Variants in TPH1 observed in about 807,000 individuals in gnomAD.
TPH1 encodes tryptophan hydroxylase 1.
In TPH1, 37 loss-of-function variants were observed where a neutral mutation model predicts 49.5. The observed-to-expected ratio is 0.75, with a 90% CI of 0.58 to 0.98. TPH1 has a LOEUF of 0.98. Ranked by LOEUF, TPH1 falls within the 50% of genes least tolerant of loss-of-function variation. The probability of loss-of-function intolerance (pLI) is 0.00; values close to 1 mark genes in which losing one functional copy is unlikely to be tolerated. For missense variants in TPH1, 487 were observed against 523.6 expected, an observed-to-expected ratio of 0.93 and a Z score of 0.68; for synonymous variants, 160 against 182.1, an observed-to-expected ratio of 0.88 and a Z score of 0.98.
In TPH1 at chr11:18,029,565, A is replaced by G. The variant is rs749431825; in HGVS notation, c.417T>C (p.Asn139=). 3 of 1,612,946 alleles carry G rather than the reference A, an allele frequency of 1.9e-6. No individual in the cohort carries two copies. Among genetic ancestry groups the G allele is most frequent in the Non-Finnish European group, 2.5e-6 (3 of 1,179,264 alleles). ...LDADHPGFKD[N]VYRKRRKYFA... Reference sequence around the variant, plus strand: ...AATACTTTCGACGTTTACGGTAGACATTGTCTTTGAAGCCCTGATAATTAA... The same window carrying G: ...AATACTTTCGACGTTTACGGTAGACGTTGTCTTTGAAGCCCTGATAATTAA... Residue 139 remains asparagine, a synonymous_variant, in exon 5 of 11, where the codon AAT becomes AAC. Coordinates refer to ENST00000682019, the MANE Select transcript of TPH1 (RefSeq NM_004179.3).
In TPH1 at chr11:18,025,449, C is replaced by T. The variant is rs553098196; in HGVS notation, c.930+126G>A. ...AGGCTGGAGTGCAGTGGCACAATCTCGGCTCACTGCAACCTCCAAGCAAAG... is the reference window on the plus strand; with the variant it reads ...AGGCTGGAGTGCAGTGGCACAATCTTGGCTCACTGCAACCTCCAAGCAAAG... On this transcript the variant is annotated intron_variant, in intron 8 of 10. Transcript: ENST00000682019. The T allele has an allele frequency of 2.6e-4, 337 of 1,271,896 alleles. 3 individuals carry two copies. The highest frequency in any genetic ancestry group is 7.1e-5 in the East Asian group (3 of 42,342). The allele number at this position is 1,271,896 out of a possible 1,614,324, so 78.8% of individuals were successfully genotyped here. A position where few individuals can be genotyped will look rare whatever the true frequency, so the allele number is the denominator to read the frequency against.
At position 18,029,251 on chromosome 11, in the gene TPH1, A is replaced by G; in HGVS notation, c.581T>C (p.Leu194Pro). 1 of 1,614,040 alleles carries G rather than the reference A, an allele frequency of 6.2e-7. No homozygotes were observed. Among genetic ancestry groups the G allele is most frequent in the Non-Finnish European group, 8.5e-7 (1 of 1,179,942 alleles). The change falls in exon 6 of 11, where the codon CTC becomes CCC. Residue 194 changes from leucine (L) to proline (P), a missense_variant. Physicochemically the swap from Leu to Pro is moderately conservative, Grantham distance 98. Transcript: ENST00000682019. Reference sequence around the variant, plus strand: ...TTTAGAAAGCAAAGGTAAGTTTTTGAGATACTCTCTGCAAGCATGGGTTGG... The same window carrying G: ...TTTAGAAAGCAAAGGTAAGTTTTTGGGATACTCTCTGCAAGCATGGGTTGG... ...LYPTHACREY[L>P]KNLPLLSKYC...
At chr11:18,033,760 C>T (rs998975681) in intron 3 of TPH1, among the ~76,000 whole-genome samples, 1 of 152,092 alleles carries the variant, frequency 6.6e-6, no homozygotes, top group Non-Finnish European at 1.5e-5. Flanking sequence ...TTATTTTTGC[C>T]GATGGAAAAG....
At position 18,020,993 on chromosome 11, in the gene TPH1, A is replaced by T. The variant is rs778498226; in HGVS notation, c.1333T>A (p.Ter445LysextTer2). The T allele has an allele frequency of 1.9e-6, 3 of 1,613,924 alleles. No individual in the cohort carries two copies. Among genetic ancestry groups the T allele is most frequent in the Non-Finnish European group, 2.5e-6 (3 of 1,179,892 alleles). Residue 445 changes from the stop codon to lysine, a stop_lost, in exon 11 of 11, where the codon TAA becomes AAA. Coordinates refer to ENST00000682019, the MANE Select transcript of TPH1 (RefSeq NM_004179.3). Reference protein sequence around the residue: ...LAKVSRKPSI* With the variant: ...LAKVSRKPSIK ...TGTTCCTGGATGACTGGCTACTGTT[A>T]GATACTCGGCTTCCTGCTGACCTTA...
intron 10 of TPH1, among the ~76,000 whole-genome samples, chr11:18,022,313 C>T (rs565683199): frequency 6.6e-6 from 1 of 152,334 alleles, no homozygotes; most frequent in South Asian, 2.1e-4. Context: ...CTATATTTCT[C>T]AACATCCTGA....
Position 18,035,999 on chromosome 11 carries a change from G to A in TPH1, c.261C>T (p.Leu87=), listed in dbSNP as rs753686032. ...TAAAATTATCTGGTAGATTCACAGA[G>A]AGAACATTGGTATGAGACTTCAGCA... ...FHLLKSHTNV[L]SVNLPDNFTL... is the part of the protein sequence containing the mutation. Residue 87 remains leucine, a synonymous_variant, in exon 3 of 11, where the codon CTC becomes CTT. Coordinates refer to ENST00000682019, the MANE Select transcript of TPH1 (RefSeq NM_004179.3). 4 of 1,612,434 alleles carry A rather than the reference G, an allele frequency of 2.5e-6. No individual in the cohort carries two copies. The highest frequency in any genetic ancestry group is 3.4e-6 in the Non-Finnish European group (4 of 1,179,886).
Position 18,020,991 on chromosome 11 carries a change from T to G in TPH1, c.1335A>C (p.Ter445TyrextTer2), listed in dbSNP as rs1312679007. 1 of 1,613,808 alleles carries G rather than the reference T, an allele frequency of 6.2e-7. No homozygotes were observed. The highest frequency in any genetic ancestry group is 8.5e-7 in the Non-Finnish European group (1 of 1,179,894). The change falls in exon 11 of 11, where the codon TAA (stop) becomes TAC (tyrosine). Residue 445 changes from the stop codon to tyrosine, a stop_lost. Transcript: ENST00000682019. ...AATGTTCCTGGATGACTGGCTACTG[T>G]TAGATACTCGGCTTCCTGCTGACCT... ...LAKVSRKPSI* is the reference protein window; with the variant it reads ...LAKVSRKPSIY
intron 1 of TPH1, chr11:18,041,073 C>T (rs1451310897): frequency 3.5e-6 from 1 of 283,230 alleles, no homozygotes; most frequent in Non-Finnish European, 6.7e-6. Context: ...TTCTTGCAGT[C>T]TTCCCAACTA....
chr11:18,039,349 A>G (rs1848076999), intron 2 of TPH1, among the ~76,000 whole-genome samples: 1 of 152,146 alleles, frequency 6.6e-6, no homozygotes, highest in Non-Finnish European at 1.5e-5. Context: ...TATGGACATA[A>G]ATCATGAAGT....
Position 18,022,858 on chromosome 11 carries a change from G to A in TPH1, c.1100C>T (p.Thr367Ile), listed in dbSNP as rs1383734453. The part of the protein sequence containing the change: ...KITCKQECLI[T>I]TFQDVYFVSE... ...TACAAAGTAGACATCTTGAAAAGTT[G>A]TGATAAGACATTCCTGTTTGCAGGT... The change falls in exon 10 of 11, where the codon ACA becomes ATA. Residue 367 changes from threonine (T) to isoleucine (I), a missense_variant. Physicochemically the swap from Thr to Ile is moderately conservative, Grantham distance 89. Coordinates refer to ENST00000682019, the MANE Select transcript of TPH1 (RefSeq NM_004179.3). 4 of 1,613,482 alleles carry A rather than the reference G, an allele frequency of 2.5e-6. No homozygotes were observed. Among genetic ancestry groups the A allele is most frequent in the Non-Finnish European group, 3.4e-6 (4 of 1,179,660 alleles).
At chr11:18,028,935 G>A (rs1847955109) in intron 6 of TPH1, among the ~76,000 whole-genome samples, 1 of 151,802 alleles carries the variant, frequency 6.6e-6, no homozygotes, top group Admixed American at 6.6e-5. Context: ...TGTGGTGGCA[G>A]GTGCCTGTAG....
chr11:18,029,081 CAAAAAAA>C (rs368358256), intron 6 of TPH1, 77 bp downstream of exon 6: 45 of 540,784 alleles, frequency 8.3e-5, no homozygotes, highest in Admixed American at 1.1e-4. Flanking sequence ...GACTCTGTCT[CAAAAAAA>C]AAAAAAAAAA....
intron 8 of TPH1, among the ~76,000 whole-genome samples, chr11:18,024,946 A>G (rs211102): frequency 0.78 from 118,942 of 152,092 alleles, 46,777 homozygotes; most frequent in Middle Eastern, 0.89. Flanking sequence ...TTTTCCATCA[A>G]CTAATCCAGA....
chr11:18,043,421 A>G (rs1848115148), intron 1 of TPH1, among the ~76,000 whole-genome samples: 1 of 152,208 alleles, frequency 6.6e-6, no homozygotes, highest in Admixed American at 6.5e-5. Context: ...CCTGGCCAAC[A>G]TGGTGAAACC....
chr11:18,020,973 C>T lies in TPH1; in HGVS notation c.*18G>A. ...CCTCCGAATTGATGCTCAAATGTTC[C>T]TGGATGACTGGCTACTGTTAGATAC... On this transcript the variant is annotated 3_prime_UTR_variant, in exon 11 of 11. Coordinates refer to ENST00000682019, the MANE Select transcript of TPH1 (RefSeq NM_004179.3). 6.2e-7 allele frequency: 1 copy of T among 1,613,466 alleles called. No homozygotes were observed. The highest frequency in any genetic ancestry group is 8.5e-7 in the Non-Finnish European group (1 of 1,179,564).
intron 4 of TPH1, among the ~76,000 whole-genome samples, chr11:18,031,144 G>A (rs1344910058): frequency 6.6e-6 from 1 of 152,082 alleles, no homozygotes; most frequent in Non-Finnish European, 1.5e-5. Flanking sequence ...CTCAGCTCCT[G>A]GCAACCAGTA....
intron 2 of TPH1, 88 bp downstream of exon 2, chr11:18,040,558 G>C (rs1848090597): frequency 7.6e-7 from 1 of 1,309,098 alleles, no homozygotes; most frequent in East Asian, 2.5e-5. Context: ...TAAGAGATAG[G>C]GTCTTGCTAT....
At chr11:18,033,441 A>G in intron 3 of TPH1, 67 bp from the exon 4 acceptor site, 1 of 1,218,106 alleles carries the variant, frequency 8.2e-7, no homozygotes, top group South Asian at 1.3e-5. Context: ...TAAACAAGAC[A>G]ATAAAGAAGA....
chr11:18,026,342 G>C, intron 7 of TPH1, 148 bp downstream of exon 7: 1 of 766,978 alleles, frequency 1.3e-6, no homozygotes, highest in Non-Finnish European at 2.1e-6. Flanking sequence ...TTTCATGCCA[G>C]GTACCATTCT....
Sources: gnomAD v4.1 joint callset for allele counts (sites outside exome capture counted in the v4.1 genomes callset) on GRCh38, gnomAD v4.1.1 for gene constraint, MANE v1.5 for transcripts, NCBI Gene and HGNC (gene_info 2026-07-23, HGNC 2026-07-21) for gene names.